SGCD: variants seen among roughly 807,000 people sequenced by gnomAD.
SGCD encodes sarcoglycan delta.
In SGCD, 18 loss-of-function variants were observed where a neutral mutation model predicts 36.6. The observed-to-expected ratio is 0.49, with a 90% CI of 0.34 to 0.73. The LOEUF is 0.73. Among genes scored for constraint, SGCD ranks in the 30% least tolerant of loss-of-function variants. The pLI, the probability that SGCD is intolerant of heterozygous loss-of-function variation, is 0.01. For synonymous variants in SGCD, 133 were observed against 130.6 expected, an observed-to-expected ratio of 1.02 and a Z score of -0.12; for missense variants, 387 against 346.7, an observed-to-expected ratio of 1.12 and a Z score of -0.92.
At chr5:156,694,211 TCACCTTCTCAC>T (rs1754221708) in intron 7 of SGCD, among the ~76,000 whole-genome samples, 1 of 152,208 alleles carries the variant, frequency 6.6e-6, no homozygotes, top group Non-Finnish European at 1.5e-5. Context: ...ACTGCAGAAC[TCACCTTCTCAC>T]CCAGGTCACT....
chr5:156,159,446 T>C (rs978914823), intron 3 of SGCD, among the ~76,000 whole-genome samples: 4 of 151,512 alleles, frequency 2.6e-5, no homozygotes, highest in Non-Finnish European at 4.4e-5. Context: ...TCAGCCAGGA[T>C]ACATATTATC....
intron 7 of SGCD, among the ~76,000 whole-genome samples, chr5:156,680,480 A>G (rs546175512): frequency 4.6e-5 from 7 of 152,304 alleles, no homozygotes; most frequent in African/African-American, 1.7e-4. Flanking sequence ...GGATGCTAAT[A>G]TCATTACGTA....
intron 1 of SGCD, among the ~76,000 whole-genome samples, chr5:155,895,218 A>G (rs1241189957): frequency 6.6e-6 from 1 of 152,242 alleles, no homozygotes; most frequent in East Asian, 1.9e-4. Flanking sequence ...CGTACTTTCC[A>G]CAAGTAAGAT....
chr5:156,242,988 C>T (rs1358602464), intron 3 of SGCD, among the ~76,000 whole-genome samples: 4 of 152,206 alleles, frequency 2.6e-5, no homozygotes, highest in Non-Finnish European at 5.9e-5. Flanking sequence ...ATGCAGGTTG[C>T]CTTTGATGAT....
At chr5:156,635,245 G>T (rs1353791307) in intron 6 of SGCD, among the ~76,000 whole-genome samples, 1 of 151,922 alleles carries the variant, frequency 6.6e-6, no homozygotes, top group South Asian at 2.1e-4. Flanking sequence ...TAAAAATGGG[G>T]CTTTCTGACA....
intron 3 of SGCD, among the ~76,000 whole-genome samples, chr5:156,374,764 C>A (rs758676465): frequency 6.6e-6 from 1 of 151,236 alleles, no homozygotes; most frequent in Non-Finnish European, 1.5e-5. Flanking sequence ...CAGGTTCACG[C>A]CATTCTCCCA....
intron 2 of SGCD, 149 bp downstream of exon 2, chr5:156,329,728 A>G: frequency 1.3e-6 from 1 of 770,476 alleles, no homozygotes; most frequent in Admixed American, 2.7e-5. Context: ...TATTTTAAAA[A>G]ATCTGCAGGC....
At chr5:156,362,654 G>GA (rs1394843329) in intron 3 of SGCD, among the ~76,000 whole-genome samples, 1 of 151,922 alleles carries the variant, frequency 6.6e-6, no homozygotes, top group Non-Finnish European at 1.5e-5. Context: ...CAAAACAAAT[G>GA]AAAAAAACAG....
At chr5:156,614,881 A>T (rs1237245490) in intron 6 of SGCD, among the ~76,000 whole-genome samples, 1 of 152,046 alleles carries the variant, frequency 6.6e-6, no homozygotes, top group Non-Finnish European at 1.5e-5. Flanking sequence ...TTATGGGGCC[A>T]CCATTCTCCT....
intron 5 of SGCD, among the ~76,000 whole-genome samples, chr5:156,591,866 T>A (rs961630912): frequency 2.0e-5 from 3 of 152,062 alleles, no homozygotes. Context: ...TCAGGTGAAA[T>A]CAACAAAGGA....
intron 1 of SGCD, among the ~76,000 whole-genome samples, chr5:156,327,606 T>A (rs1767869311): frequency 6.6e-6 from 1 of 152,230 alleles, no homozygotes; most frequent in South Asian, 2.1e-4. Context: ...ACTGTCTGTG[T>A]GTTTTGCTTC....
chr5:155,785,041 A>G, the SGCD span, among the ~76,000 whole-genome samples: 1 of 152,128 alleles, frequency 6.6e-6, no homozygotes, highest in South Asian at 2.1e-4. Context: ...CTCTGGGCAC[A>G]TACCCCAGAG....
chr5:156,629,238 T>TA (rs1228197932), intron 6 of SGCD, among the ~76,000 whole-genome samples: 2 of 152,146 alleles, frequency 1.3e-5, no homozygotes, highest in Non-Finnish European at 2.9e-5. Flanking sequence ...AAAACAATGT[T>TA]AAAAAAATTC....
At chr5:156,286,705 G>A (rs1314404134) in intron 3 of SGCD, among the ~76,000 whole-genome samples, 2 of 152,100 alleles carry the variant, frequency 1.3e-5, no homozygotes, top group African/African-American at 4.8e-5. Flanking sequence ...GATAGCATTT[G>A]GAGATATATC....
intron 3 of SGCD, among the ~76,000 whole-genome samples, chr5:156,179,228 AC>A (rs978556417): frequency 1.3e-5 from 2 of 152,152 alleles, no homozygotes; most frequent in African/African-American, 4.8e-5. Context: ...TTTTTTCTTA[AC>A]AAAAATGATT....
At position 156,372,721 on chromosome 5, in the gene SGCD, C is replaced by G. The variant is rs186617573; in HGVS notation, c.192+28044C>G. The stretch of plus-strand genomic sequence containing the variant: ...CTTGGAACAGTGGACATAGCTTTGC[C>G]TCCTACAAATTAGACATTTTGAAGC... On this transcript the variant is annotated intron_variant, in intron 3 of 8. Transcript: ENST00000337851. Among the ~76,000 whole-genome samples, 203 of 152,312 alleles carry G rather than the reference C, an allele frequency of 1.3e-3. 1 individual carries two copies. The highest frequency in any genetic ancestry group is 6.8e-3 in the Middle Eastern group (2 of 294).
the SGCD span, among the ~76,000 whole-genome samples, chr5:155,811,319 T>C: frequency 6.6e-6 from 1 of 152,160 alleles, no homozygotes; most frequent in Non-Finnish European, 1.5e-5. Context: ...TGTGGGCTTT[T>C]GAAACTAGCA....
chr5:155,773,824 A>G, the SGCD span, among the ~76,000 whole-genome samples: 1 of 152,136 alleles, frequency 6.6e-6, no homozygotes, highest in Admixed American at 6.6e-5. Context: ...GAATGCTACA[A>G]GCAAGGGATG....
At chr5:155,909,307 T>C (rs1020278721) in intron 1 of SGCD, among the ~76,000 whole-genome samples, 57 of 152,148 alleles carry the variant, frequency 3.7e-4, no homozygotes, top group African/African-American at 1.4e-3. Context: ...GTTTGCTTAA[T>C]AAATATTTCG....
Sources: allele counts gnomAD v4.1 joint callset (sites outside exome capture counted in the v4.1 genomes callset), GRCh38; gene constraint gnomAD v4.1.1; transcripts MANE v1.5; gene names NCBI Gene and HGNC (gene_info 2026-07-23, HGNC 2026-07-21).